The following RHOBTB3 variants were observed in gnomAD, a reference collection of about 807,000 sequenced individuals.
RHOBTB3 encodes the protein rho-related BTB domain-containing protein 3.
A neutral mutation model predicts 67.2 loss-of-function variants in RHOBTB3; 47 were observed. The ratio of observed to expected loss-of-function variants is 0.70; its 90% CI spans 0.55 to 0.89. RHOBTB3 has a LOEUF of 0.89. Among genes scored for constraint, RHOBTB3 ranks in the 40% least tolerant of loss-of-function variants. The pLI is 0.00. For missense variants in RHOBTB3, 631 were observed against 750.0 expected (o/e 0.84, Z 1.85); for synonymous variants, 273 against 274.2 (o/e 1.00, Z 0.04).
At chr5:95,765,908 C>T (rs1373582264) in intron 7 of RHOBTB3, among the ~76,000 whole-genome samples, 3 of 152,094 alleles carry the variant, frequency 2.0e-5, no homozygotes, top group African/African-American at 4.8e-5. Flanking sequence ...GTGATCCTCC[C>T]GCCTCGGCCT....
Position 95,765,011 on chromosome 5 carries a change from G to A in RHOBTB3, c.1161+1391G>A, listed in dbSNP as rs578199858. Among the ~76,000 whole-genome samples, 53 of 152,010 alleles carry A rather than the reference G, an allele frequency of 3.5e-4. 1 individual carries two copies. In the South Asian group the frequency reaches 0.011, roughly 30 times the overall value. ...AATTTGCACATATGCCTATATTCTC[G>A]TTTTCAAAACAGTTCATCTAGTTGT... is the stretch of plus-strand genomic sequence containing the variant. On this transcript the variant is annotated intron_variant, in intron 7 of 11. Transcript: ENST00000379982.
At chr5:95,746,754 A>G (rs1744928353) in intron 3 of RHOBTB3, among the ~76,000 whole-genome samples, 1 of 151,544 alleles carries the variant, frequency 6.6e-6, no homozygotes, top group African/African-American at 2.4e-5. Flanking sequence ...AAGCCACATA[A>G]CCTCTCTGAG....
intron 3 of RHOBTB3, among the ~76,000 whole-genome samples, chr5:95,747,246 C>T (rs1038994726): frequency 8.5e-5 from 13 of 152,214 alleles, no homozygotes; most frequent in African/African-American, 2.9e-4. Flanking sequence ...AAAAGGCCAT[C>T]TAAGCTCCAG....
upstream of RHOBTB3, chr5:95,730,980 A>T: frequency 1.8e-6 from 1 of 560,276 alleles, no homozygotes; most frequent in Non-Finnish European, 3.1e-6. Context: ...AGCTTCCCTA[A>T]CCTCCTTTTT....
rs376934795 is a variant in RHOBTB3 at position 95,731,668 on chromosome 5, C to T, written c.-15C>T. 1.3e-5 allele frequency: 21 copies of T among 1,613,236 alleles called. No individual in the cohort carries two copies. Among genetic ancestry groups the T allele is most frequent in the Non-Finnish European group, 1.7e-5 (20 of 1,179,774 alleles). On this transcript the variant is annotated 5_prime_UTR_variant, in exon 1 of 12. Coordinates refer to ENST00000379982, the MANE Select transcript of RHOBTB3 (RefSeq NM_014899.4). ...CTTTTCTCCGAGTCGCCGCCCTGCC[C>T]TTGGATTTGAGATCATGTACGTACG...
chr5:95,754,818 A>G (rs949340956), intron 5 of RHOBTB3, among the ~76,000 whole-genome samples: 1 of 152,214 alleles, frequency 6.6e-6, no homozygotes, highest in African/African-American at 2.4e-5. Context: ...AGGGGTCACA[A>G]TGTTTTCAAA....
intron 8 of RHOBTB3, among the ~76,000 whole-genome samples, chr5:95,779,329 C>T (rs1745982258): frequency 6.6e-6 from 1 of 152,056 alleles, no homozygotes; most frequent in African/African-American, 2.4e-5. Flanking sequence ...CTCTTTGTGT[C>T]TTCAATTCCA....
At chr5:95,728,912 T>G (rs927782609), upstream of RHOBTB3, among the ~76,000 whole-genome samples, 5 of 152,184 alleles carry the variant, frequency 3.3e-5, no homozygotes, top group Non-Finnish European at 5.9e-5. Flanking sequence ...CATTATATGC[T>G]AATTATAATG....
chr5:95,731,338 C>T lies in RHOBTB3; in HGVS notation c.-345C>T. The stretch of plus-strand genomic sequence containing the variant: ...GGAGGAGGAGCAGCGGCAGCGGCAG[C>T]AGGAGGCGACAGCTGCCAGCCGAGG... On this transcript the variant is annotated 5_prime_UTR_variant, in exon 1 of 12. Transcript: ENST00000379982. The T allele has an allele frequency of 3.6e-6, 4 of 1,106,056 alleles. No individual in the cohort carries two copies. The highest frequency in any genetic ancestry group is 4.4e-6 in the Non-Finnish European group (4 of 910,618). The allele number at this position is 1,106,056 out of a possible 1,614,324, so 68.5% of individuals were successfully genotyped here. A position where few individuals can be genotyped will look rare whatever the true frequency, so the allele number is the denominator to read the frequency against.
intron 1 of RHOBTB3, among the ~76,000 whole-genome samples, chr5:95,718,759 T>G (rs115772009): frequency 6.6e-6 from 1 of 152,120 alleles, no homozygotes; most frequent in Non-Finnish European, 1.5e-5. Flanking sequence ...AATGGGGCTA[T>G]GAGAACAGAC....
chr5:95,720,831 G>T (rs2112745690), intron 1 of RHOBTB3, among the ~76,000 whole-genome samples: 1 of 152,246 alleles, frequency 6.6e-6, no homozygotes, highest in African/African-American at 2.4e-5. Context: ...AGTAACGACT[G>T]ATTATTCTTT....
chr5:95,748,389 A>T lies in RHOBTB3; in HGVS notation c.472A>T (p.Thr158Ser). The change falls in exon 4 of 12, where the codon ACA (threonine) becomes TCA (serine). Residue 158 changes from threonine to serine, a missense_variant. Coordinates refer to ENST00000379982, the MANE Select transcript of RHOBTB3 (RefSeq NM_014899.4). Reference sequence around the variant, plus strand: ...CTCAGACAGAGGGAGCTGTGTTAGTACAACTGAAGGGATCCAACTTGCAAA... The same window carrying T: ...CTCAGACAGAGGGAGCTGTGTTAGTTCAACTGAAGGGATCCAACTTGCAAA... The part of the protein sequence containing the change: ...CTSDRGSCVS[T>S]TEGIQLAKEL... 1 of 1,613,546 alleles carries T rather than the reference A, an allele frequency of 6.2e-7. No individual in the cohort carries two copies. The highest frequency in any genetic ancestry group is 8.5e-7 in the Non-Finnish European group (1 of 1,179,522).
exon 1 of RHOBTB3, chr5:95,717,727 A>C (rs974331210): frequency 2.0e-5 from 3 of 152,288 alleles, no homozygotes; most frequent in South Asian, 2.1e-4. Context: ...GAAGAGGAAG[A>C]ACGGGCCTGG....
intron 6 of RHOBTB3, among the ~76,000 whole-genome samples, chr5:95,761,676 A>G (rs1745399932): frequency 6.6e-6 from 1 of 152,226 alleles, no homozygotes; most frequent in Non-Finnish European, 1.5e-5. Flanking sequence ...CTTCAGGCCC[A>G]GAAATTCTAA....
At chr5:95,722,303 T>A (rs1754908663) in intron 1 of RHOBTB3, among the ~76,000 whole-genome samples, 1 of 151,892 alleles carries the variant, frequency 6.6e-6, no homozygotes, top group African/African-American at 2.4e-5. Context: ...TATATTAGAG[T>A]TTGTTGGAAA....
Position 95,793,190 on chromosome 5 carries a change from C to G in RHOBTB3, c.*16C>G. 6.8e-7 allele frequency: 1 copy of G among 1,461,982 alleles called. No homozygotes were observed. The allele number at this position is 1,461,982 out of a possible 1,614,324, so 90.6% of individuals were successfully genotyped here. On this transcript the variant is annotated 3_prime_UTR_variant, in exon 12 of 12. Transcript: ENST00000379982. ...AGTAATGTAACCTGGAGCTTTTATA[C>G]ACTACATTTCTTTTTTATTATTATG...
intron 7 of RHOBTB3, among the ~76,000 whole-genome samples, chr5:95,765,304 A>C (rs1277700435): frequency 6.6e-6 from 1 of 152,154 alleles, no homozygotes; most frequent in African/African-American, 2.4e-5. Context: ...CCTTTTCTTG[A>C]GTCTTGATTC....
chr5:95,792,351 C>A (rs143113459), intron 11 of RHOBTB3, among the ~76,000 whole-genome samples: 1 of 144,896 alleles, frequency 6.9e-6, no homozygotes, highest in East Asian at 2.0e-4. Context: ...TGCGCCACTG[C>A]GCTCCAGCCT....
At chr5:95,787,651 A>G (rs896106919) in intron 10 of RHOBTB3, among the ~76,000 whole-genome samples, 2 of 152,260 alleles carry the variant, frequency 1.3e-5, no homozygotes, top group Admixed American at 1.3e-4. Flanking sequence ...ATATATGTAC[A>G]ATGGGATATT....
Sources: gnomAD v4.1 joint callset for allele counts (sites outside exome capture counted in the v4.1 genomes callset) on GRCh38, gnomAD v4.1.1 for gene constraint, MANE v1.5 for transcripts, NCBI Gene and HGNC (gene_info 2026-07-23, HGNC 2026-07-21) for gene names.